TOX: variants seen among roughly 807,000 people sequenced by gnomAD.
TOX encodes the protein thymocyte selection-associated high mobility group box protein TOX.
A neutral mutation model predicts 53.7 loss-of-function variants in TOX; 11 were observed. That is an observed-to-expected ratio of 0.20 (90% CI 0.13 to 0.34). The LOEUF (loss-of-function observed/expected upper bound fraction) is 0.34. Ranked by LOEUF, TOX falls within the 10% of genes least tolerant of loss-of-function variation. The probability of loss-of-function intolerance (pLI) is 1.00; values close to 1 mark genes in which losing one functional copy is unlikely to be tolerated. For synonymous variants in TOX, 225 were observed against 245.3 expected, an observed-to-expected ratio of 0.92 and a Z score of 0.77; for missense variants, 570 against 664.6, an observed-to-expected ratio of 0.86 and a Z score of 1.56.
At chr8:59,087,087 C>A (rs1804524613) in intron 1 of TOX, among the ~76,000 whole-genome samples, 1 of 152,166 alleles carries the variant, frequency 6.6e-6, no homozygotes, top group African/African-American at 2.4e-5. Context: ...ACTCAGCAAG[C>A]CAGGCTTTCT....
intron 2 of TOX, among the ~76,000 whole-genome samples, chr8:58,948,090 G>A (rs370165674): frequency 2.0e-5 from 3 of 152,166 alleles, no homozygotes; most frequent in East Asian, 1.9e-4. Context: ...ACCAGAACAC[G>A]AGGTCAACTT....
chr8:59,036,590 G>C (rs1814463006), intron 1 of TOX, among the ~76,000 whole-genome samples: 1 of 152,154 alleles, frequency 6.6e-6, no homozygotes, highest in Non-Finnish European at 1.5e-5. Flanking sequence ...ATGTGTAATG[G>C]TGAGGCTCCT....
At chr8:58,963,785 C>T (rs898053666) in intron 1 of TOX, among the ~76,000 whole-genome samples, 2 of 152,166 alleles carry the variant, frequency 1.3e-5, no homozygotes, top group Non-Finnish European at 2.9e-5. Context: ...GGGATTGATT[C>T]CACTAGACTG....
intron 3 of TOX, among the ~76,000 whole-genome samples, chr8:58,867,106 A>G (rs1203374989): frequency 2.6e-5 from 4 of 152,194 alleles, no homozygotes; most frequent in South Asian, 4.1e-4. Context: ...TTCTGCATCT[A>G]CATTTACAAA....
At chr8:59,111,396 G>A (rs1805015169) in intron 1 of TOX, among the ~76,000 whole-genome samples, 2 of 152,034 alleles carry the variant, frequency 1.3e-5, no homozygotes, top group African/African-American at 4.8e-5. Flanking sequence ...ATCTTAAAAG[G>A]GAGTGGTAAC....
intron 1 of TOX, among the ~76,000 whole-genome samples, chr8:59,105,920 A>AAAGT (rs1476414412): frequency 6.6e-6 from 1 of 152,290 alleles, no homozygotes; most frequent in African/African-American, 2.4e-5. Flanking sequence ...GTTACCTTAC[A>AAAGT]AAGTAAGTTT....
At chr8:58,900,566 G>T (rs771147447) in intron 3 of TOX, among the ~76,000 whole-genome samples, 11 of 152,034 alleles carry the variant, frequency 7.2e-5, no homozygotes, top group Non-Finnish European at 1.5e-4. Context: ...CAGAAGATTT[G>T]ATTTACTTTA....
chr8:59,069,563 T>C (rs943606031), intron 1 of TOX, among the ~76,000 whole-genome samples: 8 of 152,124 alleles, frequency 5.3e-5, no homozygotes, highest in Non-Finnish European at 1.2e-4. Flanking sequence ...TAGGAAACAA[T>C]GTTTACAGAA....
Position 59,119,119 on chromosome 8 carries a change from T to G in TOX, c.-132A>C. On this transcript the variant is annotated 5_prime_UTR_variant, in exon 1 of 9. An upstream start codon of the reference 5' UTR is lost. Transcript: ENST00000361421. ...AAAGAAACACCTTCCTTCCCTCACA[T>G]CCGTTTGTGGTTTGTTTAAGAAGAA... The G allele has an allele frequency of 2.0e-6, 1 of 509,908 alleles. No individual in the cohort carries two copies. Among genetic ancestry groups the G allele is most frequent in the Non-Finnish European group, 3.4e-6 (1 of 292,822 alleles). The allele number at this position is 509,908 out of a possible 1,614,324, so 31.6% of individuals were successfully genotyped here. A position where few individuals can be genotyped will look rare whatever the true frequency, so the allele number is the denominator to read the frequency against.
At chr8:58,825,631 C>T (rs923622702) in intron 6 of TOX, among the ~76,000 whole-genome samples, 15 of 152,136 alleles carry the variant, frequency 9.9e-5, no homozygotes, top group African/African-American at 3.6e-4. Flanking sequence ...AGAATCTGAT[C>T]TTGGATGAAA....
chr8:58,991,648 C>A (rs1348391796), intron 1 of TOX: 2 of 152,194 alleles, frequency 1.3e-5, no homozygotes, highest in Non-Finnish European at 2.9e-5. Flanking sequence ...CAGCTCTCTG[C>A]CCCTGGTGAT....
chr8:59,078,572 C>CAG (rs1484380200), intron 1 of TOX, among the ~76,000 whole-genome samples: 1 of 152,212 alleles, frequency 6.6e-6, no homozygotes, highest in African/African-American at 2.4e-5. Context: ...TAAGCAGATG[C>CAG]CAGCACCATG....
chr8:59,094,224 C>A (rs1452939061), intron 1 of TOX, among the ~76,000 whole-genome samples: 2 of 151,988 alleles, frequency 1.3e-5, no homozygotes, highest in Non-Finnish European at 2.9e-5. Context: ...GATGTTATTA[C>A]TAGAAGTGGA....
intron 1 of TOX, among the ~76,000 whole-genome samples, chr8:59,086,465 A>C (rs1426386963): frequency 1.3e-5 from 2 of 152,152 alleles, no homozygotes; most frequent in Non-Finnish European, 2.9e-5. Flanking sequence ...GTTTTTGCTA[A>C]ATAGACTCCC....
chr8:58,990,503 A>T (rs1259439520), intron 1 of TOX, among the ~76,000 whole-genome samples: 2 of 152,060 alleles, frequency 1.3e-5, no homozygotes, highest in Non-Finnish European at 2.9e-5. Context: ...AAAGAAACTT[A>T]AACAGAGGAG....
intron 3 of TOX, among the ~76,000 whole-genome samples, chr8:58,880,530 A>C (rs1320730585): frequency 1.3e-5 from 2 of 152,196 alleles, no homozygotes; most frequent in Admixed American, 1.3e-4. Flanking sequence ...CGGGCAGCTG[A>C]GTATCCTCTT....
intron 3 of TOX, among the ~76,000 whole-genome samples, chr8:58,910,477 A>G (rs1447606983): frequency 6.6e-6 from 1 of 152,208 alleles, no homozygotes; most frequent in African/African-American, 2.4e-5. Context: ...CAGAAATACC[A>G]TGAAGTTTCA....
chr8:59,052,585 C>G (rs949916713), intron 1 of TOX, among the ~76,000 whole-genome samples: 7 of 152,162 alleles, frequency 4.6e-5, no homozygotes, highest in African/African-American at 1.7e-4. Flanking sequence ...TGCTCTCCCC[C>G]AGCAATGGTC....
At chr8:59,076,312 T>C (rs1464639422) in intron 1 of TOX, among the ~76,000 whole-genome samples, 3 of 152,156 alleles carry the variant, frequency 2.0e-5, no homozygotes, top group Non-Finnish European at 2.9e-5. Context: ...GAAGGTAAAC[T>C]ACCCAGAGAT....
Sources: gnomAD v4.1 joint callset for allele counts (sites outside exome capture counted in the v4.1 genomes callset) on GRCh38, gnomAD v4.1.1 for gene constraint, MANE v1.5 for transcripts, NCBI Gene and HGNC (gene_info 2026-07-23, HGNC 2026-07-21) for gene names.